The following CASQ2 variants were observed in gnomAD, a reference collection of about 807,000 sequenced individuals.
CASQ2 encodes calsequestrin-2.
In CASQ2, 49 loss-of-function variants were observed where a neutral mutation model predicts 46.5. The observed-to-expected ratio is 1.05, with a 90% confidence interval of 0.84 to 1.34. The LOEUF is 1.34. Among genes scored for constraint, CASQ2 ranks in the 40% most tolerant of loss-of-function variants. The pLI is 0.00. For missense variants in CASQ2, 486 were observed against 481.3 expected (o/e 1.01, Z -0.09); for synonymous variants, 174 against 168.5 (o/e 1.03, Z -0.25).
chr1:115,726,207 A>G (rs1647583610), intron 6 of CASQ2, among the ~76,000 whole-genome samples: 1 of 152,186 alleles, frequency 6.6e-6, no homozygotes, highest in Admixed American at 6.5e-5. Flanking sequence ...GGTAGGGTGG[A>G]GGGACAAGCC....
At chr1:115,755,405 T>C (rs1358787113) in intron 1 of CASQ2, among the ~76,000 whole-genome samples, 1 of 152,138 alleles carries the variant, frequency 6.6e-6, no homozygotes, top group Non-Finnish European at 1.5e-5. Flanking sequence ...GCCAGAGAGA[T>C]CATCCCTTTT....
intron 2 of CASQ2, among the ~76,000 whole-genome samples, chr1:115,742,768 CTGTTTGTTTGTTTGTT>C (rs35672650): frequency 1.3e-4 from 20 of 150,480 alleles, no homozygotes; most frequent in African/African-American, 4.2e-4. Context: ...ACTCATTAAA[CTGTTTGTTTGTTTGTT>C]TGTTTGTTTG....
In CASQ2 at chr1:115,700,178, A is replaced by G. The variant is rs187424670; in HGVS notation, c.*1063T>C. ...ATACTGCACACTTAACACTAAATCT[A>G]CCAAGCACAATGTAACTTTTAGACA... On this transcript the variant is annotated 3_prime_UTR_variant, in exon 11 of 11. Coordinates refer to ENST00000261448, the MANE Select transcript of CASQ2 (RefSeq NM_001232.4). 8.8e-4 allele frequency: 134 copies of G among 152,750 alleles called. No homozygotes were observed. The highest frequency in any genetic ancestry group is 2.9e-3 in the African/African-American group (121 of 41,564). 9.5% of individuals were successfully genotyped at this position (152,750 alleles called of 1,614,324 possible).
chr1:115,733,931 A>G lies in CASQ2; in HGVS notation c.533-957T>C, dbSNP rs999532286. 3.9e-5 allele frequency among the ~76,000 whole-genome samples: 6 copies of G among 152,364 alleles called. No individual in the cohort carries two copies. The East Asian group carries it at 5.8e-4, about 15-fold the overall frequency. Reference sequence around the variant, plus strand: ...GAACAATGTTAATCCAGAGGATACCAAAATGAATAAGACAAAGATACTGAT... The same window carrying G: ...GAACAATGTTAATCCAGAGGATACCGAAATGAATAAGACAAAGATACTGAT... On this transcript the variant is annotated intron_variant, in intron 4 of 10. Transcript: ENST00000261448.
chr1:115,740,349 CT>C (rs542108392), intron 3 of CASQ2, among the ~76,000 whole-genome samples: 2 of 152,170 alleles, frequency 1.3e-5, no homozygotes, highest in Non-Finnish European at 2.9e-5. Flanking sequence ...TCAGGGTGAC[CT>C]GGCTGATTGG....
intron 8 of CASQ2, 57 bp downstream of exon 8, chr1:115,717,783 A>G: frequency 7.9e-7 from 1 of 1,268,238 alleles, no homozygotes; most frequent in Non-Finnish European, 1.2e-6. Context: ...AGGGCTGGCA[A>G]AGGTGAGAAA....
chr1:115,732,575 C>A (rs1264008379), intron 5 of CASQ2, among the ~76,000 whole-genome samples: 1 of 152,074 alleles, frequency 6.6e-6, no homozygotes, highest in Non-Finnish European at 1.5e-5. Context: ...GAGAGGATAC[C>A]CCCTAAGGAA....
At chr1:115,720,038 T>C (rs184858043) in intron 7 of CASQ2, among the ~76,000 whole-genome samples, 11 of 152,322 alleles carry the variant, frequency 7.2e-5, no homozygotes, top group African/African-American at 2.6e-4. Context: ...GAAAGTCTTA[T>C]TCTTATTGAA....
In CASQ2 at chr1:115,705,215, T is replaced by C. The variant is rs1177845567; in HGVS notation, c.916A>G (p.Ile306Val). The C allele has an allele frequency of 1.2e-6, 2 of 1,613,540 alleles. No individual in the cohort carries two copies. Among genetic ancestry groups the C allele is most frequent in the Non-Finnish European group, 1.7e-6 (2 of 1,179,504 alleles). ...ACCAGAGGAAAGTCGTCCGGGTCGA[T>C]CCACAGGATGCTCAGATCGGGGTTG... ...TDNPDLSILW[I>V]DPDDFPLLVA... The change falls in exon 9 of 11, where the codon ATC (isoleucine) becomes GTC (valine). Residue 306 changes from isoleucine (I) to valine (V), a missense_variant. Coordinates refer to ENST00000261448, the MANE Select transcript of CASQ2 (RefSeq NM_001232.4).
chr1:115,747,441 A>C (rs925374328), intron 1 of CASQ2, among the ~76,000 whole-genome samples: 1 of 152,148 alleles, frequency 6.6e-6, no homozygotes, highest in African/African-American at 2.4e-5. Context: ...ATTTTTCTAA[A>C]TTGCTTTAAC....
intron 7 of CASQ2, among the ~76,000 whole-genome samples, chr1:115,723,043 G>A (rs531938719): frequency 6.6e-5 from 10 of 151,990 alleles, no homozygotes; most frequent in South Asian, 2.1e-4. Context: ...GGGAGAATCC[G>A]TCTCAAAAAA....
At chr1:115,701,462 G>T (rs753832194) in intron 10 of CASQ2, 36 bp from the exon 11 acceptor site, 1 of 1,379,800 alleles carries the variant, frequency 7.2e-7, no homozygotes, top group Non-Finnish European at 1.0e-6. Flanking sequence ...GTGGGTAAAT[G>T]CATGAGGGCT....
Position 115,702,943 on chromosome 1 carries a change from A to G in CASQ2, c.992T>C (p.Ile331Thr), listed in dbSNP as rs2101053760. The G allele has an allele frequency of 1.2e-6, 2 of 1,613,638 alleles. No individual in the cohort carries two copies. Among genetic ancestry groups the G allele is most frequent in the Non-Finnish European group, 1.7e-6 (2 of 1,179,818 alleles). The part of the protein sequence containing the change: ...TFKIDLFRPQ[I>T]GVVNVTDADS... Reference sequence around the variant, plus strand: ...CACATCTGTGACATTCACCACCCCAATCTGTGGCCTGAATAGGTCAATCTT... The same window carrying G: ...CACATCTGTGACATTCACCACCCCAGTCTGTGGCCTGAATAGGTCAATCTT... Residue 331 changes from isoleucine (I) to threonine (T), a missense_variant, in exon 10 of 11, where the codon ATT (isoleucine) becomes ACT (threonine). Transcript: ENST00000261448.
chr1:115,745,959 A>G (rs1254671854), intron 1 of CASQ2, among the ~76,000 whole-genome samples: 2 of 152,154 alleles, frequency 1.3e-5, no homozygotes, highest in African/African-American at 4.8e-5. Flanking sequence ...GTTGTCCTTC[A>G]TGGTCACACC....
Position 115,700,893 on chromosome 1 carries a change from T to C in CASQ2, c.*348A>G. ...GCTGTCAATTTTGTTACTGTCATAA[T>C]CAAAGACAAGTAAACTTGTGTTAGG... On this transcript the variant is annotated 3_prime_UTR_variant, in exon 11 of 11. Transcript: ENST00000261448. 1.7e-6 allele frequency: 1 copy of C among 592,894 alleles called. No individual in the cohort carries two copies. The highest frequency in any genetic ancestry group is 3.0e-6 in the Non-Finnish European group (1 of 334,838). The allele number at this position is 592,894 out of a possible 1,614,324, so 36.7% of individuals were successfully genotyped here. A position where few individuals can be genotyped will look rare whatever the true frequency, so the allele number is the denominator to read the frequency against.
At chr1:115,727,730 A>G (rs922100593) in intron 5 of CASQ2, among the ~76,000 whole-genome samples, 1 of 152,124 alleles carries the variant, frequency 6.6e-6, no homozygotes, top group Admixed American at 6.5e-5. Context: ...GTGACTGACC[A>G]TCTTGCTTTG....
At position 115,740,709 on chromosome 1, in the gene CASQ2, ACT is replaced by A; in HGVS notation, c.420+17_420+18del. On this transcript the variant is annotated intron_variant, in intron 3 of 10. Coordinates refer to ENST00000261448, the MANE Select transcript of CASQ2 (RefSeq NM_001232.4). ...AGGAGAGGCAGCTCCATGCAGGGTC[ACT>A]GTGTATAAATACTTACATCCAAGAG... 6.8e-7 allele frequency: 1 copy of A among 1,465,264 alleles called. No homozygotes were observed. The allele number at this position is 1,465,264 out of a possible 1,614,324, so 90.8% of individuals were successfully genotyped here. A position where few individuals can be genotyped will look rare whatever the true frequency, so the allele number is the denominator to read the frequency against.
chr1:115,707,534 G>A (rs990662221), intron 8 of CASQ2, among the ~76,000 whole-genome samples: 1 of 152,166 alleles, frequency 6.6e-6, no homozygotes, highest in African/African-American at 2.4e-5. Context: ...GCTGCCTGTA[G>A]GTGGAACTGA....
intron 5 of CASQ2, among the ~76,000 whole-genome samples, chr1:115,730,783 C>T (rs950716374): frequency 6.6e-6 from 1 of 152,142 alleles, no homozygotes; most frequent in Non-Finnish European, 1.5e-5. Flanking sequence ...ATTTTTGTGA[C>T]CGCATTAGTG....
Sources: gnomAD v4.1 joint callset for allele counts (sites outside exome capture counted in the v4.1 genomes callset) on GRCh38, gnomAD v4.1.1 for gene constraint, MANE v1.5 for transcripts, NCBI Gene and HGNC (gene_info 2026-07-23, HGNC 2026-07-21) for gene names.